Variants in KIFAP3 observed in about 807,000 individuals in gnomAD.
KIFAP3 encodes the protein kinesin associated protein 3, also known as kinesin-associated protein 3.
A neutral mutation model predicts 106.5 loss-of-function variants in KIFAP3; 68 were observed. That is an observed-to-expected ratio of 0.64 (90% CI 0.53 to 0.78). The LOEUF is 0.78. KIFAP3 is among the 30% of genes least tolerant of loss of function. The pLI is 0.00. For missense variants in KIFAP3, 780 were observed against 941.8 expected (o/e 0.83, Z 2.25); for synonymous variants, 320 against 311.5 (o/e 1.03, Z -0.29).
chr1:170,018,140 C>T (rs1385241390), intron 9 of KIFAP3, among the ~76,000 whole-genome samples: 3 of 152,124 alleles, frequency 2.0e-5, no homozygotes, highest in Admixed American at 2.0e-4. Context: ...TCATGACCTA[C>T]AATAATCATA....
intron 5 of KIFAP3, among the ~76,000 whole-genome samples, chr1:170,037,477 C>T (rs1353307890): frequency 2.0e-5 from 3 of 151,972 alleles, no homozygotes; most frequent in African/African-American, 7.2e-5. Context: ...CACCTGTAAT[C>T]CTAGCACTTT....
intron 1 of KIFAP3, among the ~76,000 whole-genome samples, chr1:170,062,320 T>C (rs1436381703): frequency 6.6e-6 from 1 of 151,798 alleles, no homozygotes; most frequent in East Asian, 1.9e-4. Context: ...GCTTAACACC[T>C]TGATATTCAT....
At position 170,016,569 on chromosome 1, in the gene KIFAP3, T is replaced by G. The variant is rs560843796; in HGVS notation, c.1076A>C (p.Asp359Ala). ...LVKMIPCEHE[D>A]LLNITLRLLL... ...AAGTCGGAGGGTGATATTCAGCAGG[T>G]CTTCATGCTCACAAGGTATCATTTT... Residue 359 changes from aspartate to alanine, a missense_variant, in exon 10 of 20, where the codon GAC (aspartate) becomes GCC (alanine). Asp to Ala is a moderately radical substitution (Grantham distance 126, BLOSUM62 -2). Transcript: ENST00000361580. 1.2e-6 allele frequency: 2 copies of G among 1,606,032 alleles called. No homozygotes were observed. Among genetic ancestry groups the G allele is most frequent in the Non-Finnish European group, 1.7e-6 (2 of 1,176,680 alleles).
At position 170,055,311 on chromosome 1, in the gene KIFAP3, TGACA is replaced by T. The variant is rs1248384176; in HGVS notation, c.154_157del (p.Cys52LysfsTer15). The T allele has an allele frequency of 1.3e-6, 2 of 1,596,474 alleles. No individual in the cohort carries two copies. Among genetic ancestry groups the T allele is most frequent in the Admixed American group, 1.8e-5 (1 of 54,698 alleles). On this transcript the variant is annotated frameshift_variant, in exon 2 of 20. Transcript: ENST00000361580. LOFTEE classifies it high-confidence loss of function. Reference sequence around the variant, plus strand: ...GCACAAATAAAGAACTTACATTTTTTGACATTCTTTTCGTTCTCCCAACATGGGG... The same window carrying T: ...GCACAAATAAAGAACTTACATTTTTTTTCTTTTCGTTCTCCCAACATGGGG...
At chr1:169,998,399 TACAC>T (rs1205858764) in intron 10 of KIFAP3, among the ~76,000 whole-genome samples, 450 of 97,796 alleles carry the variant, frequency 4.6e-3, no homozygotes, top group Non-Finnish European at 6.4e-3. Context: ...TATATATATA[TACAC>T]ACACACACAC....
chr1:170,055,232 AAAT>A, intron 2 of KIFAP3, 70 bp downstream of exon 2: 2 of 1,371,146 alleles, frequency 1.5e-6, no homozygotes, highest in Non-Finnish European at 2.0e-6. Context: ...ATGCTGATCA[AAAT>A]AATATCAGAT....
intron 16 of KIFAP3, among the ~76,000 whole-genome samples, chr1:169,972,949 T>C (rs142311502): frequency 1.3e-5 from 2 of 151,328 alleles, no homozygotes; most frequent in Non-Finnish European, 1.5e-5. Context: ...TCTTGATCTA[T>C]CCTGCTCTCC....
At chr1:170,047,620 C>CAAAAAAA (rs1165754265) in intron 2 of KIFAP3, among the ~76,000 whole-genome samples, 1 of 46,194 alleles carries the variant, frequency 2.2e-5, no homozygotes, top group Non-Finnish European at 4.6e-5. Context: ...GGCTCTGTCT[C>CAAAAAAA]AAAAAAAAAA....
At chr1:170,048,873 C>T (rs1228003730) in intron 2 of KIFAP3, among the ~76,000 whole-genome samples, 1 of 152,100 alleles carries the variant, frequency 6.6e-6, no homozygotes, top group Admixed American at 6.5e-5. Flanking sequence ...ACACCTGGGC[C>T]CTGGATTTCA....
chr1:169,966,917 T>C (rs942659151), intron 17 of KIFAP3, among the ~76,000 whole-genome samples: 3 of 151,606 alleles, frequency 2.0e-5, no homozygotes, highest in African/African-American at 7.2e-5. Context: ...TTTTTACTTC[T>C]CCTTTTCCTT....
At chr1:169,976,589 CT>C (rs1666229537) in intron 16 of KIFAP3, among the ~76,000 whole-genome samples, 1 of 152,120 alleles carries the variant, frequency 6.6e-6, no homozygotes, top group African/African-American at 2.4e-5. Context: ...ATATTTATTA[CT>C]TTCTGTACTG....
intron 1 of KIFAP3, among the ~76,000 whole-genome samples, chr1:170,062,166 A>C (rs1053788625): frequency 6.6e-6 from 1 of 151,938 alleles, no homozygotes; most frequent in Non-Finnish European, 1.5e-5. Context: ...GTATAATTTA[A>C]AAAAAGAGTA....
At chr1:170,030,085 A>G (rs779526877) in intron 8 of KIFAP3, among the ~76,000 whole-genome samples, 8 of 151,916 alleles carry the variant, frequency 5.3e-5, no homozygotes, top group Non-Finnish European at 1.0e-4. Flanking sequence ...TCTTAGACAC[A>G]ATACCAAAAC....
At chr1:170,045,108 T>TTGA (rs1670176093) in intron 3 of KIFAP3, among the ~76,000 whole-genome samples, 1 of 152,204 alleles carries the variant, frequency 6.6e-6, no homozygotes, top group Admixed American at 6.5e-5. Context: ...TACCAAGGCT[T>TTGA]TGACTGGATT....
At chr1:169,937,464 C>T (rs1044534258) in intron 19 of KIFAP3, among the ~76,000 whole-genome samples, 3 of 151,706 alleles carry the variant, frequency 2.0e-5, no homozygotes, top group Non-Finnish European at 1.5e-5. Context: ...TTATTGACTA[C>T]TAACAGACCA....
At chr1:169,927,946 T>C (rs1571504664) in intron 19 of KIFAP3, among the ~76,000 whole-genome samples, 1 of 152,280 alleles carries the variant, frequency 6.6e-6, no homozygotes, top group East Asian at 1.9e-4. Context: ...TTTAGGAAGA[T>C]AATTGTAGTA....
intron 10 of KIFAP3, among the ~76,000 whole-genome samples, chr1:170,007,937 G>C (rs141573284): frequency 0.072 from 10,882 of 152,020 alleles, 435 homozygotes; most frequent in Non-Finnish European, 0.096. Context: ...ACCAATGGAA[G>C]AGAACAGAGG....
chr1:169,933,794 G>C (rs1410583802), intron 19 of KIFAP3, among the ~76,000 whole-genome samples: 1 of 152,016 alleles, frequency 6.6e-6, no homozygotes, highest in African/African-American at 2.4e-5. Context: ...ACTAACTTAA[G>C]TACAAACTAT....
At chr1:169,978,961 A>G (rs1666370340) in intron 15 of KIFAP3, among the ~76,000 whole-genome samples, 1 of 152,104 alleles carries the variant, frequency 6.6e-6, no homozygotes, top group Non-Finnish European at 1.5e-5. Flanking sequence ...ATTTCTCACT[A>G]TTAATTACTA....
Sources: gnomAD v4.1 joint callset for allele counts (sites outside exome capture counted in the v4.1 genomes callset) on GRCh38, gnomAD v4.1.1 for gene constraint, MANE v1.5 for transcripts, NCBI Gene and HGNC (gene_info 2026-07-23, HGNC 2026-07-21) for gene names.